Variants in EPB41L5 observed in about 807,000 individuals in gnomAD.
EPB41L5 encodes the protein erythrocyte membrane protein band 4.1 like 5.
EPB41L5 carries 55 observed loss-of-function variants against 106.6 expected under a neutral mutation model. The observed-to-expected ratio is 0.52, with a 90% CI of 0.42 to 0.65. The LOEUF (loss-of-function observed/expected upper bound fraction) is 0.65. Ranked by LOEUF, EPB41L5 falls within the 30% of genes least tolerant of loss-of-function variation. The pLI is 0.00. For synonymous variants in EPB41L5, 297 were observed against 306.7 expected (o/e 0.97, Z 0.33); for missense variants, 871 against 882.1 (o/e 0.99, Z 0.16).
At chr2:120,138,945 A>G (rs1248347528) in intron 18 of EPB41L5, among the ~76,000 whole-genome samples, 2 of 152,084 alleles carry the variant, frequency 1.3e-5, no homozygotes, top group African/African-American at 4.8e-5. Context: ...CTACAGAGCT[A>G]TAGTAACCAA....
chr2:120,029,160 T>G (rs935584956), intron 2 of EPB41L5, among the ~76,000 whole-genome samples: 20 of 151,996 alleles, frequency 1.3e-4, no homozygotes, highest in Admixed American at 4.6e-4. Flanking sequence ...GTAATTGCGG[T>G]TTTTGTTGTT....
chr2:120,100,426 T>C lies in EPB41L5; in HGVS notation c.1221+140T>C, dbSNP rs1684064959. ...TTTCTTTTCCTTTTCCCTTAAGTGG[T>C]TCAGTAATAACTTCCGGTTATTTTA... On this transcript the variant is annotated intron_variant, in intron 15 of 24. Transcript: ENST00000263713. The C allele has an allele frequency of 4.9e-6, 4 of 821,272 alleles. No individual in the cohort carries two copies. In the South Asian group the frequency reaches 7.1e-5, roughly 15 times the overall value. 50.9% of individuals were successfully genotyped at this position (821,272 alleles called of 1,614,324 possible).
chr2:120,026,550 G>T (rs1311196429), intron 2 of EPB41L5, among the ~76,000 whole-genome samples: 1 of 152,078 alleles, frequency 6.6e-6, no homozygotes, highest in African/African-American at 2.4e-5. Context: ...TGTATTTTTA[G>T]TAGAGACGGG....
chr2:120,171,973 G>A (rs373214178), intron 24 of EPB41L5, among the ~76,000 whole-genome samples: 1 of 150,020 alleles, frequency 6.7e-6, no homozygotes, highest in Non-Finnish European at 1.5e-5. Flanking sequence ...AATTTAGAGC[G>A]AAGATACTGT....
At chr2:120,080,720 A>C (rs1331141475) in intron 10 of EPB41L5, among the ~76,000 whole-genome samples, 1 of 152,190 alleles carries the variant, frequency 6.6e-6, no homozygotes, top group Non-Finnish European at 1.5e-5. Context: ...TTACAGTCCC[A>C]CCAACAGTGC....
At chr2:120,145,714 G>T (rs112087726) in intron 19 of EPB41L5, among the ~76,000 whole-genome samples, 2 of 152,292 alleles carry the variant, frequency 1.3e-5, no homozygotes, top group African/African-American at 4.8e-5. Context: ...GGAGGCCCAG[G>T]CAGGTGGATT....
chr2:120,045,965 A>G (rs1433585079), intron 3 of EPB41L5, among the ~76,000 whole-genome samples: 1 of 152,052 alleles, frequency 6.6e-6, no homozygotes, highest in Non-Finnish European at 1.5e-5. Flanking sequence ...TGCTTCATCC[A>G]TGTTCCTACA....
At chr2:120,041,610 C>T (rs1268728357) in intron 2 of EPB41L5, among the ~76,000 whole-genome samples, 1 of 152,108 alleles carries the variant, frequency 6.6e-6, no homozygotes, top group Admixed American at 6.6e-5. Flanking sequence ...AGTGTAGTTT[C>T]ACATATTTTG....
At chr2:120,147,097 C>A (rs1445901679) in intron 20 of EPB41L5, among the ~76,000 whole-genome samples, 1 of 152,172 alleles carries the variant, frequency 6.6e-6, no homozygotes, top group Admixed American at 6.5e-5. Context: ...CCTGTAATCC[C>A]AGCACTTTCA....
At chr2:120,147,381 G>A (rs761765781) in intron 20 of EPB41L5, among the ~76,000 whole-genome samples, 8 of 152,080 alleles carry the variant, frequency 5.3e-5, no homozygotes, top group Middle Eastern at 3.4e-3. Flanking sequence ...GGTGGCTCAC[G>A]CCTGTAGTCC....
At chr2:120,127,056 A>AT (rs1309858173) in intron 16 of EPB41L5, among the ~76,000 whole-genome samples, 3 of 152,156 alleles carry the variant, frequency 2.0e-5, no homozygotes, top group Non-Finnish European at 4.4e-5. Flanking sequence ...GAGTTTACTC[A>AT]TTTTTCATGT....
intron 2 of EPB41L5, among the ~76,000 whole-genome samples, chr2:120,028,259 G>A (rs1046604665): frequency 2.0e-5 from 3 of 152,048 alleles, no homozygotes; most frequent in African/African-American, 7.3e-5. Context: ...ACATGACTGG[G>A]CATAGTGGTT....
rs200132316 is a variant in EPB41L5, at chr2:120,146,238, A to T, written c.1742A>T (p.Asp581Val). 158 of 1,603,386 alleles carry T rather than the reference A, an allele frequency of 9.9e-5. 2 individuals are homozygous for T. The East Asian group carries it at 2.3e-3, about 23-fold the overall frequency. ...TCATTTTCTTAGGTTACAAAAGAAG[A>T]TAGCTTATTAAGTCATAAAAATGCC... ...VEAVHKVTKE[D>V]SLLSHKNANV... The change falls in exon 20 of 25, where the codon GAT becomes GTT. Residue 581 changes from aspartate to valine, a missense_variant. By Grantham distance (152) the Asp-to-Val change is radical. Coordinates refer to ENST00000263713, the MANE Select transcript of EPB41L5 (RefSeq NM_020909.4).
chr2:120,065,918 C>G (rs1681415055), intron 3 of EPB41L5, among the ~76,000 whole-genome samples: 1 of 152,118 alleles, frequency 6.6e-6, no homozygotes. Context: ...TATTAATTTT[C>G]AGTCCACTGA....
chr2:120,168,290 C>T (rs4849835), intron 24 of EPB41L5, among the ~76,000 whole-genome samples: 96,564 of 151,974 alleles, frequency 0.64, 32,012 homozygotes, highest in Middle Eastern at 0.74. Context: ...TATTGTTTCC[C>T]TTTACGCTTT....
chr2:120,070,424 C>T (rs1182524903), intron 3 of EPB41L5, among the ~76,000 whole-genome samples: 1 of 152,168 alleles, frequency 6.6e-6, no homozygotes, highest in African/African-American at 2.4e-5. Flanking sequence ...TGGTACCATT[C>T]CTTCTGAAAC....
At chr2:120,016,571 TC>T (rs1487369813) in intron 1 of EPB41L5, among the ~76,000 whole-genome samples, 1 of 152,250 alleles carries the variant, frequency 6.6e-6, no homozygotes, top group African/African-American at 2.4e-5. Flanking sequence ...TTATTTTTTT[TC>T]ATTTGGATTT....
rs185481877 is a variant in EPB41L5, at chr2:120,035,577, G to A, written c.181-6429G>A. 1.5e-3 allele frequency among the ~76,000 whole-genome samples: 234 copies of A among 152,270 alleles called. 1 individual carries two copies. The highest frequency in any genetic ancestry group is 6.8e-3 in the Middle Eastern group (2 of 294). ...TCCAGCTACTCAGGAGGCTGAGGTGGGAGGATTGCTTAAGGCCACGAGTTT... is the reference window on the plus strand; with the variant it reads ...TCCAGCTACTCAGGAGGCTGAGGTGAGAGGATTGCTTAAGGCCACGAGTTT... On this transcript the variant is annotated intron_variant, in intron 2 of 24. Transcript: ENST00000263713.
In EPB41L5 at chr2:120,176,428, G is replaced by C. The variant is rs1032447230; in HGVS notation, c.*1521G>C. The C allele has an allele frequency of 1.3e-5, 2 of 152,194 alleles. No individual in the cohort carries two copies. Among genetic ancestry groups the C allele is most frequent in the African/African-American group, 4.8e-5 (2 of 41,428 alleles). The allele number at this position is 152,194 out of a possible 1,614,324, so 9.4% of individuals were successfully genotyped here. ...CCTGGGCTCCTTATAACATAATCGTGTGTCCAGGCAAACGCACACTAGTGT... is the reference window on the plus strand; with the variant it reads ...CCTGGGCTCCTTATAACATAATCGTCTGTCCAGGCAAACGCACACTAGTGT... On this transcript the variant is annotated 3_prime_UTR_variant, in exon 25 of 25. Coordinates refer to ENST00000263713, the MANE Select transcript of EPB41L5 (RefSeq NM_020909.4).
Sources: gnomAD v4.1 joint callset for allele counts (sites outside exome capture counted in the v4.1 genomes callset) on GRCh38, gnomAD v4.1.1 for gene constraint, MANE v1.5 for transcripts, NCBI Gene and HGNC (gene_info 2026-07-23, HGNC 2026-07-21) for gene names.